The following GLIS3 variants were observed in gnomAD, a reference collection of about 807,000 sequenced individuals.
GLIS3 encodes the protein zinc finger protein GLIS3.
GLIS3 carries 53 observed loss-of-function variants against 78.6 expected under a neutral mutation model. The ratio of observed to expected loss-of-function variants is 0.67; its 90% CI spans 0.54 to 0.85. The LOEUF (loss-of-function observed/expected upper bound fraction) is 0.85, where lower values mean the gene tolerates loss of function less well. Ranked by LOEUF, GLIS3 falls within the 40% of genes least tolerant of loss-of-function variation. The pLI, the probability that GLIS3 is intolerant of heterozygous loss-of-function variation, is 0.00. For synonymous variants in GLIS3, 684 were observed against 509.9 expected (o/e 1.34, Z -4.60); for missense variants, 1,703 against 1,231.1 (o/e 1.38, Z -5.74).
chr9:4,199,395 G>A (rs988797427), intron 2 of GLIS3, among the ~76,000 whole-genome samples: 3 of 151,670 alleles, frequency 2.0e-5, no homozygotes, highest in Non-Finnish European at 4.4e-5. Flanking sequence ...ACACAAAAAA[G>A]AGTATAGGTA....
intron 2 of GLIS3, among the ~76,000 whole-genome samples, chr9:4,209,839 A>G (rs866379243): frequency 6.6e-6 from 1 of 150,694 alleles, no homozygotes. Flanking sequence ...GTGACCATCA[A>G]AATGTCTCCA....
At chr9:3,941,614 C>A (rs1174802115) in intron 4 of GLIS3, among the ~76,000 whole-genome samples, 4 of 152,204 alleles carry the variant, frequency 2.6e-5, no homozygotes, top group Admixed American at 6.5e-5. Context: ...AGAAGGGGAG[C>A]CATCATTTTC....
the GLIS3 span, among the ~76,000 whole-genome samples, chr9:4,482,037 A>AT: frequency 1.3e-5 from 2 of 152,172 alleles, no homozygotes; most frequent in African/African-American, 4.8e-5. Context: ...GAGATTGAAG[A>AT]TTTTTTCATG....
chr9:4,131,605 C>A (rs984151105), intron 2 of GLIS3, among the ~76,000 whole-genome samples: 3 of 152,192 alleles, frequency 2.0e-5, no homozygotes, highest in Admixed American at 6.5e-5. Context: ...GATGTGACTG[C>A]TTCACCTTCA....
At chr9:3,848,705 A>G (rs1284612124) in intron 9 of GLIS3, among the ~76,000 whole-genome samples, 1 of 152,150 alleles carries the variant, frequency 6.6e-6, no homozygotes, top group Non-Finnish European at 1.5e-5. Context: ...TTAAATATCA[A>G]TGCTCTGATA....
intron 4 of GLIS3, among the ~76,000 whole-genome samples, chr9:3,965,638 A>G (rs1017181353): frequency 6.6e-6 from 1 of 152,214 alleles, no homozygotes; most frequent in African/African-American, 2.4e-5. Flanking sequence ...AAACATGTGC[A>G]TGGGGAAGGC....
intron 4 of GLIS3, among the ~76,000 whole-genome samples, chr9:4,053,849 T>C (rs1825924324): frequency 6.6e-6 from 1 of 152,222 alleles, no homozygotes; most frequent in African/African-American, 2.4e-5. Context: ...TCTAAAGCTC[T>C]GCCTTTCTTT....
the GLIS3 span, among the ~76,000 whole-genome samples, chr9:4,462,275 A>G: frequency 6.6e-6 from 1 of 152,172 alleles, no homozygotes; most frequent in Non-Finnish European, 1.5e-5. Context: ...AAGCCCAGAA[A>G]TTAGGAATAA....
intron 2 of GLIS3, among the ~76,000 whole-genome samples, chr9:4,282,253 G>T (rs376672567): frequency 6.6e-6 from 1 of 152,160 alleles, no homozygotes; most frequent in Non-Finnish European, 1.5e-5. Flanking sequence ...TACTGCTTTG[G>T]TTAAAATTTA....
chr9:4,013,865 AG>A (rs1386861023), intron 4 of GLIS3, among the ~76,000 whole-genome samples: 4 of 152,210 alleles, frequency 2.6e-5, no homozygotes, highest in Non-Finnish European at 5.9e-5. Flanking sequence ...CATTAAGTCC[AG>A]GTAGCACTTG....
chr9:4,275,540 G>T (rs930689753), intron 2 of GLIS3, among the ~76,000 whole-genome samples: 1 of 150,598 alleles, frequency 6.6e-6, no homozygotes, highest in South Asian at 2.1e-4. Context: ...TGGAAGGATC[G>T]TTTGAGCCTA....
intron 1 of GLIS3, among the ~76,000 whole-genome samples, chr9:4,294,540 G>C (rs1250160428): frequency 2.0e-5 from 3 of 151,728 alleles, no homozygotes; most frequent in Non-Finnish European, 4.4e-5. Context: ...AATAATAAAT[G>C]AGAATCCACA....
intron 4 of GLIS3, among the ~76,000 whole-genome samples, chr9:4,116,792 T>C (rs886275382): frequency 6.6e-6 from 1 of 152,232 alleles, no homozygotes; most frequent in Non-Finnish European, 1.5e-5. Flanking sequence ...CCAGGGAATA[T>C]ATAGAAATCT....
intron 4 of GLIS3, among the ~76,000 whole-genome samples, chr9:4,002,037 T>C (rs1299593627): frequency 2.0e-5 from 3 of 152,186 alleles, no homozygotes; most frequent in Admixed American, 2.0e-4. Flanking sequence ...AAAAAGTACG[T>C]GGCAGCTGTG....
the GLIS3 span, among the ~76,000 whole-genome samples, chr9:4,429,010 C>A: frequency 3.3e-5 from 5 of 152,174 alleles, no homozygotes; most frequent in Admixed American, 3.3e-4. Context: ...AAACCACTAT[C>A]ATCTCTCACC....
At chr9:4,373,041 G>A in the GLIS3 span, among the ~76,000 whole-genome samples, 1 of 152,170 alleles carries the variant, frequency 6.6e-6, no homozygotes, top group Non-Finnish European at 1.5e-5. Flanking sequence ...AACACAAGTT[G>A]GAATATTAAA....
intron 2 of GLIS3, among the ~76,000 whole-genome samples, chr9:4,179,391 C>G (rs1422222004): frequency 2.0e-5 from 3 of 152,162 alleles, no homozygotes; most frequent in Non-Finnish European, 4.4e-5. Context: ...TAATCCCCAG[C>G]TTTCAAAGGT....
intron 8 of GLIS3, among the ~76,000 whole-genome samples, chr9:3,861,547 C>G (rs1271174959): frequency 3.5e-3 from 1 of 284 alleles, no homozygotes; most frequent in East Asian, 0.083. Flanking sequence ...AAATGCCCAT[C>G]AAGATAGACC....
intron 2 of GLIS3, among the ~76,000 whole-genome samples, chr9:4,323,389 GTA>G (rs1235673277): frequency 4.0e-5 from 6 of 151,852 alleles, no homozygotes; most frequent in Non-Finnish European, 5.9e-5. Flanking sequence ...GTTATGCTGT[GTA>G]TAGTCTCTAG....
Sources: gnomAD v4.1 joint callset for allele counts (sites outside exome capture counted in the v4.1 genomes callset) on GRCh38, gnomAD v4.1.1 for gene constraint, MANE v1.5 for transcripts, NCBI Gene and HGNC (gene_info 2026-07-23, HGNC 2026-07-21) for gene names.